TASOR: variants seen among roughly 807,000 people sequenced by gnomAD.
TASOR encodes protein TASOR.
TASOR carries 53 observed loss-of-function variants against 178.6 expected under a neutral mutation model. The ratio of observed to expected loss-of-function variants is 0.30; its 90% confidence interval spans 0.24 to 0.37. The LOEUF is 0.37. Ranked by LOEUF, TASOR falls within the 10% of genes least tolerant of loss-of-function variation. The pLI, the probability that TASOR is intolerant of heterozygous loss-of-function variation, is 1.00. For synonymous variants in TASOR, 713 were observed against 696.2 expected (o/e 1.02, Z -0.38); for missense variants, 1,815 against 1,971.4 (o/e 0.92, Z 1.50).
intron 19 of TASOR, 62 bp downstream of exon 19, chr3:56,628,428 CAG>C: frequency 7.1e-7 from 1 of 1,400,660 alleles, no homozygotes; most frequent in Non-Finnish European, 9.9e-7. Flanking sequence ...GTCTGGCAGA[CAG>C]TAAGATTTTA....
At chr3:56,652,264 A>T (rs1168374345) in intron 11 of TASOR, among the ~76,000 whole-genome samples, 3 of 152,204 alleles carry the variant, frequency 2.0e-5, no homozygotes, top group Admixed American at 6.5e-5. Context: ...TTTTAAAAAA[A>T]ACATAGAATT....
Position 56,668,475 on chromosome 3 carries a change from T to C in TASOR, c.819A>G (p.Pro273=), listed in dbSNP as rs1355183697. ...MLNKSALDPT[P]KHECHVSKNA... ...TCTTTGACACGTGACATTCATGCTT[T>C]GGTGTGGGGTCCAAAGCACTCTTAT... is the stretch of plus-strand genomic sequence containing the variant. The change falls in exon 6 of 24, where the codon CCA becomes CCG. Residue 273 remains proline, a synonymous_variant. Coordinates refer to ENST00000683822, the MANE Select transcript of TASOR (RefSeq NM_001365635.2). 5 of 1,551,698 alleles carry C rather than the reference T, an allele frequency of 3.2e-6. No individual in the cohort carries two copies. Among genetic ancestry groups the C allele is most frequent in the Non-Finnish European group, 4.4e-6 (5 of 1,146,988 alleles).
intron 1 of TASOR, among the ~76,000 whole-genome samples, chr3:56,682,346 A>C (rs1310423630): frequency 7.0e-6 from 1 of 143,182 alleles, no homozygotes; most frequent in Non-Finnish European, 1.5e-5. Flanking sequence ...CATCCTTAGG[A>C]GGACACAACG....
At chr3:56,670,255 T>A in intron 3 of TASOR, 110 bp from the exon 4 acceptor site, 1 of 570,856 alleles carries the variant, frequency 1.8e-6, no homozygotes, top group Non-Finnish European at 3.0e-6. Flanking sequence ...TAACTATGTA[T>A]CATTCTAGAT....
intron 1 of TASOR, among the ~76,000 whole-genome samples, 200 bp from the exon 2 acceptor site, chr3:56,673,925 C>T (rs2031002210): frequency 6.6e-6 from 1 of 152,046 alleles, no homozygotes; most frequent in Admixed American, 6.6e-5. Flanking sequence ...ACACCAGTTC[C>T]TTCAACAATG....
intron 14 of TASOR, 48 bp downstream of exon 14, chr3:56,646,469 AAGAAC>A: frequency 1.4e-6 from 2 of 1,434,698 alleles, no homozygotes; most frequent in Non-Finnish European, 1.9e-6. Context: ...TGCTACAAGA[AAGAAC>A]AGAACTACTT....
intron 3 of TASOR, among the ~76,000 whole-genome samples, chr3:56,670,757 G>A (rs1488007349): frequency 6.6e-6 from 1 of 151,428 alleles, no homozygotes; most frequent in Non-Finnish European, 1.5e-5. Context: ...CCAACATGGG[G>A]AAACCCCAAC....
chr3:56,624,901 A>G lies in TASOR; in HGVS notation c.4245T>C (p.Asn1415=). The G allele has an allele frequency of 6.2e-7, 1 of 1,614,200 alleles. No homozygotes were observed. The highest frequency in any genetic ancestry group is 8.5e-7 in the Non-Finnish European group (1 of 1,180,022). The stretch of plus-strand genomic sequence containing the variant: ...TGATAAGGCAATCCAATTCTGGAGC[A>G]TTTCGAGTTTGTGAATCACAATTGT... ...SYHNCDSQTR[N]APELDCLIRL... is the part of the protein sequence containing the mutation. Residue 1415 remains asparagine (N), a synonymous_variant, in exon 22 of 24, where the codon AAT becomes AAC. Transcript: ENST00000683822.
intron 14 of TASOR, among the ~76,000 whole-genome samples, chr3:56,642,092 C>G (rs1047501843): frequency 6.6e-6 from 1 of 152,192 alleles, no homozygotes; most frequent in African/African-American, 2.4e-5. Flanking sequence ...TTTGTAATTA[C>G]TATTTTGCCA....
rs1180288011 is a variant in TASOR at position 56,678,544 on chromosome 3, T to TCAAACAG, written c.331+4125_331+4131dup. Among the ~76,000 whole-genome samples the TCAAACAG allele has an allele frequency of 6.6e-5, 10 of 152,290 alleles. No individual in the cohort carries two copies. In the South Asian group the frequency reaches 2.1e-3, roughly 32 times the overall value. On this transcript the variant is annotated intron_variant, in intron 1 of 23. Coordinates refer to ENST00000683822, the MANE Select transcript of TASOR (RefSeq NM_001365635.2). ...GGGCATTGATATATAATTTAGGTCA[T>TCAAACAG]CAAACAGCTTTGTTCCTTAATCAAA...
At chr3:56,652,223 G>A (rs183484597) in intron 11 of TASOR, among the ~76,000 whole-genome samples, 2 of 152,290 alleles carry the variant, frequency 1.3e-5, no homozygotes, top group Admixed American at 1.3e-4. Flanking sequence ...GAATTAGATA[G>A]TGTTGATGTT....
At chr3:56,640,384 C>T (rs2077096927) in intron 15 of TASOR, among the ~76,000 whole-genome samples, 1 of 152,270 alleles carries the variant, frequency 6.6e-6, no homozygotes, top group East Asian at 1.9e-4. Flanking sequence ...TTAGGCTCTG[C>T]AGGCCAGACT....
rs991444132 is a variant in TASOR, at chr3:56,646,773, C to T, written c.1964G>A (p.Arg655Gln). 7 of 1,613,816 alleles carry T rather than the reference C, an allele frequency of 4.3e-6. No individual in the cohort carries two copies. Among genetic ancestry groups the T allele is most frequent in the Middle Eastern group, 1.7e-4 (1 of 6,060 alleles). Residue 655 changes from arginine to glutamine, a missense_variant, in exon 14 of 24, where the codon CGA becomes CAA. Physicochemically the swap from Arg to Gln is conservative, Grantham distance 43. This residue lies in a region of TASOR where 504 missense variants were observed against 645.3 expected (regional missense o/e 0.78). Coordinates refer to ENST00000683822, the MANE Select transcript of TASOR (RefSeq NM_001365635.2). ...AATGGCTTCACCTCTTGAGTTATTT[C>T]GTTTTCCAAATTTCATTTTTGTACC... ...MNGTKMKFGKRNNSRGEAIIS... is the reference protein window; with the variant it reads ...MNGTKMKFGKQNNSRGEAIIS...
In TASOR at chr3:56,660,747, A is replaced by C; in HGVS notation, c.1352T>G (p.Leu451Arg). The part of the protein sequence containing the change: ...GSNMESLLQK[L>R]DREKLVLVKP... ...TTCACTCACAAGTTTTTCTCTGTCT[A>C]GTTTTTGCAGTAAACTCTCCATGTT... The change falls in exon 11 of 24, where the codon CTA becomes CGA. Residue 451 changes from leucine to arginine, a missense_variant. By Grantham distance (102) the Leu-to-Arg change is moderately radical. Transcript: ENST00000683822. The C allele has an allele frequency of 6.2e-7, 1 of 1,613,188 alleles. No homozygotes were observed. Among genetic ancestry groups the C allele is most frequent in the South Asian group, 1.1e-5 (1 of 90,910 alleles).
chr3:56,651,902 T>C (rs938812180), intron 11 of TASOR, among the ~76,000 whole-genome samples: 3 of 152,198 alleles, frequency 2.0e-5, no homozygotes, highest in African/African-American at 4.8e-5. Context: ...CTAATGTTCA[T>C]AGCACCATTA....
In TASOR at chr3:56,633,844, C is replaced by T. The variant is rs1412238562; in HGVS notation, c.2947G>A (p.Asp983Asn). Residue 983 changes from aspartate (D) to asparagine (N), a missense_variant, in exon 18 of 24, where the codon GAC (aspartate) becomes AAC (asparagine). By Grantham distance (23) the Asp-to-Asn change is conservative (BLOSUM62 1). Coordinates refer to ENST00000683822, the MANE Select transcript of TASOR (RefSeq NM_001365635.2). ...TCCTCAGTGGTGCCCTTTAGTGTGT[C>T]TGTAAATGGAGAGGATGGAAACTGG... ...DYQFPSSPFT[D>N]TLKGTTEDDV... 6.2e-7 allele frequency: 1 copy of T among 1,613,850 alleles called. No individual in the cohort carries two copies. Among genetic ancestry groups the T allele is most frequent in the South Asian group, 1.1e-5 (1 of 91,024 alleles).
Position 56,622,515 on chromosome 3 carries a change from A to G in TASOR, c.*522T>C, listed in dbSNP as rs2076709646. On this transcript the variant is annotated 3_prime_UTR_variant, in exon 24 of 24. Coordinates refer to ENST00000683822, the MANE Select transcript of TASOR (RefSeq NM_001365635.2). ...TTTTACATGACTAAGCCTAGAGATA[A>G]AAAATGTGTCCTATGTACATAGTTT... The G allele has an allele frequency of 6.6e-6, 1 of 152,652 alleles. No individual in the cohort carries two copies. The highest frequency in any genetic ancestry group is 2.4e-5 in the African/African-American group (1 of 41,454). The allele number at this position is 152,652 out of a possible 1,614,324, so 9.5% of individuals were successfully genotyped here. A position where few individuals can be genotyped will look rare whatever the true frequency, so the allele number is the denominator to read the frequency against.
At chr3:56,625,486 CAA>C (rs1444435723) in intron 21 of TASOR, among the ~76,000 whole-genome samples, 2 of 152,004 alleles carry the variant, frequency 1.3e-5, no homozygotes, top group African/African-American at 4.8e-5. Flanking sequence ...CATCTCTACT[CAA>C]AATTCACAAT....
At chr3:56,648,920 G>A (rs1425126582) in intron 12 of TASOR, 27 bp from the exon 13 acceptor site, 1 of 1,599,608 alleles carries the variant, frequency 6.3e-7, no homozygotes, top group Admixed American at 1.7e-5. Context: ...AAACTCATTA[G>A]CAATGTGTTT....
Sources: allele counts gnomAD v4.1 joint callset (sites outside exome capture counted in the v4.1 genomes callset), GRCh38; gene constraint gnomAD v4.1.1; regional missense constraint gnomAD v4.1.1; transcripts MANE v1.5; gene names NCBI Gene and HGNC (gene_info 2026-07-23, HGNC 2026-07-21).